Variants in CDYL observed in about 807,000 individuals in gnomAD.
CDYL encodes chromodomain Y-like protein.
CDYL carries 8 observed loss-of-function variants against 47.3 expected under a neutral mutation model. The observed-to-expected ratio is 0.17, with a 90% CI of 0.10 to 0.31. CDYL has a LOEUF of 0.31. CDYL is among the 10% of genes least tolerant of loss of function. The probability of loss-of-function intolerance (pLI) is 1.00; values close to 1 mark genes in which losing one functional copy is unlikely to be tolerated. For synonymous variants in CDYL, 266 were observed against 265.0 expected (o/e 1.00, Z -0.04); for missense variants, 471 against 701.4 (o/e 0.67, Z 3.71).
chr6:4,789,129 G>GC (rs1043558757), intron 1 of CDYL, among the ~76,000 whole-genome samples: 1 of 152,202 alleles, frequency 6.6e-6, no homozygotes, highest in African/African-American at 2.4e-5. Context: ...AGGCTGGAGT[G>GC]CAGGGGCATG....
At position 4,891,861 on chromosome 6, in the gene CDYL, G is replaced by A. The variant is rs200111001; in HGVS notation, c.173G>A (p.Arg58His). 4.6e-5 allele frequency: 75 copies of A among 1,614,102 alleles called. No homozygotes were observed. The highest frequency in any genetic ancestry group is 5.9e-5 in the Non-Finnish European group (70 of 1,180,022). ...GAATACATCCACGACTTCAACAGAC[G>A]CCACACGGAGAAGCAGAAGGAGAGC... Reference protein sequence around the residue: ...CEEYIHDFNRRHTEKQKESTL... With the variant: ...CEEYIHDFNRHHTEKQKESTL... Residue 58 changes from arginine to histidine, a missense_variant, in exon 2 of 7, where the codon CGC becomes CAC. By Grantham distance (29) the Arg-to-His change is conservative. Transcript: ENST00000397588.
At chr6:4,768,031 G>T (rs1318206593) in intron 3 of CDYL, among the ~76,000 whole-genome samples, 1 of 152,200 alleles carries the variant, frequency 6.6e-6, no homozygotes, top group African/African-American at 2.4e-5. Flanking sequence ...AGATTTGCCT[G>T]CCTCTCCATC....
intron 1 of CDYL, among the ~76,000 whole-genome samples, chr6:4,809,318 G>A (rs1444633976): frequency 1.3e-5 from 2 of 152,162 alleles, no homozygotes; most frequent in African/African-American, 4.8e-5. Context: ...ATGTACCATA[G>A]TTTATTCAAC....
intron 1 of CDYL, among the ~76,000 whole-genome samples, chr6:4,794,044 G>A (rs1759003141): frequency 6.6e-6 from 1 of 152,130 alleles, no homozygotes; most frequent in Admixed American, 6.6e-5. Flanking sequence ...ATAGTTCAGG[G>A]CAGGAGAGAA....
chr6:4,791,436 G>A (rs141126020), intron 1 of CDYL, among the ~76,000 whole-genome samples: 111 of 152,334 alleles, frequency 7.3e-4, no homozygotes, highest in Non-Finnish European at 1.1e-3. Context: ...TTCTCAATTA[G>A]GGAGTGAAGA....
At chr6:4,766,620 G>A (rs866811207) in intron 3 of CDYL, among the ~76,000 whole-genome samples, 1 of 152,102 alleles carries the variant, frequency 6.6e-6, no homozygotes. Flanking sequence ...ATCAAAAGAA[G>A]AAATAATGGC....
At chr6:4,737,720 T>G (rs932092531) in intron 3 of CDYL, among the ~76,000 whole-genome samples, 1 of 151,796 alleles carries the variant, frequency 6.6e-6, no homozygotes, top group African/African-American at 2.4e-5. Context: ...AGAGACAGGG[T>G]TTCACCATGT....
intron 1 of CDYL, among the ~76,000 whole-genome samples, chr6:4,848,114 T>C (rs1760714607): frequency 6.6e-6 from 1 of 152,238 alleles, no homozygotes; most frequent in Non-Finnish European, 1.5e-5. Context: ...TTAACCATAG[T>C]TACATATGAT....
chr6:4,829,020 A>C (rs9504263), intron 1 of CDYL, among the ~76,000 whole-genome samples: 199 of 152,028 alleles, frequency 1.3e-3, no homozygotes, highest in African/African-American at 4.5e-3. Context: ...AGTTCTTCAT[A>C]TCTTTCTTTT....
chr6:4,901,124 C>T (rs962722979), intron 2 of CDYL, among the ~76,000 whole-genome samples: 2 of 151,768 alleles, frequency 1.3e-5, no homozygotes, highest in African/African-American at 2.4e-5. Context: ...TATTTCATTA[C>T]TTTGGGCTTA....
In CDYL at chr6:4,950,863, C is replaced by T. The variant is rs958102298; in HGVS notation, c.1333-1403C>T. Among the ~76,000 whole-genome samples, 87 of 147,990 alleles carry T rather than the reference C, an allele frequency of 5.9e-4. 1 individual carries two copies. Among genetic ancestry groups the T allele is most frequent in the Non-Finnish European group, 2.4e-4 (16 of 67,628 alleles). ...AGGAGAATGGTGTGAGCCTGGGAGG[C>T]GGAGCTTGCAGTGAGCCGATATTGC... On this transcript the variant is annotated intron_variant, in intron 5 of 6. Transcript: ENST00000397588.
intron 2 of CDYL, among the ~76,000 whole-genome samples, chr6:4,900,828 T>TATATATACAC (rs1757025805): frequency 1.0e-5 from 1 of 99,378 alleles, no homozygotes; most frequent in African/African-American, 3.6e-5. Context: ...TATATATATA[T>TATATATACAC]ATCTTGCCTG....
chr6:4,867,249 T>A (rs865803251), intron 1 of CDYL, among the ~76,000 whole-genome samples: 21 of 152,114 alleles, frequency 1.4e-4, no homozygotes, highest in Non-Finnish European at 2.4e-4. Flanking sequence ...AAAGTTTTTT[T>A]AAAAAATTTC....
chr6:4,832,448 CT>C (rs1478255288), intron 1 of CDYL, among the ~76,000 whole-genome samples: 1 of 150,864 alleles, frequency 6.6e-6, no homozygotes, highest in African/African-American at 2.5e-5. Context: ...GGTGAATAAG[CT>C]TTTTGATGTG....
At chr6:4,908,957 T>C (rs1757324126) in intron 2 of CDYL, among the ~76,000 whole-genome samples, 1 of 152,254 alleles carries the variant, frequency 6.6e-6, no homozygotes, top group African/African-American at 2.4e-5. Flanking sequence ...AAAGGTTCTA[T>C]GCTTAGACTA....
chr6:4,903,601 A>G (rs1561699548), intron 2 of CDYL, among the ~76,000 whole-genome samples: 1 of 152,150 alleles, frequency 6.6e-6, no homozygotes, highest in Non-Finnish European at 1.5e-5. Context: ...TGCCGGAGGG[A>G]GGAGACAGCT....
intron 2 of CDYL, among the ~76,000 whole-genome samples, chr6:4,916,447 G>A (rs1251404284): frequency 6.6e-6 from 1 of 152,176 alleles, no homozygotes; most frequent in Non-Finnish European, 1.5e-5. Context: ...AGAAACTCTC[G>A]ACTGAAGAGA....
intron 2 of CDYL, among the ~76,000 whole-genome samples, chr6:4,734,236 TC>T (rs1561830033): frequency 6.6e-6 from 1 of 152,076 alleles, no homozygotes; most frequent in African/African-American, 2.4e-5. Context: ...GTCCTGACAG[TC>T]AAACTCTCTC....
intron 1 of CDYL, chr6:4,715,668 A>C: frequency 7.1e-7 from 1 of 1,416,372 alleles, no homozygotes; most frequent in Non-Finnish European, 9.5e-7. Flanking sequence ...GGTGAAAGTC[A>C]TTAAATGCCA....
Sources: gnomAD v4.1 joint callset for allele counts (sites outside exome capture counted in the v4.1 genomes callset) on GRCh38, gnomAD v4.1.1 for gene constraint, MANE v1.5 for transcripts, NCBI Gene and HGNC (gene_info 2026-07-23, HGNC 2026-07-21) for gene names.